Variants in KCNN2 observed in about 807,000 individuals in gnomAD.
The protein encoded by KCNN2 is potassium calcium-activated channel subfamily N member 2, also known as small conductance calcium-activated potassium channel protein 2.
Under a neutral mutation model 55.5 loss-of-function variants are expected in KCNN2, and 24 were observed. That is an observed-to-expected ratio of 0.43 (90% confidence interval 0.31 to 0.61). The LOEUF is 0.61. Ranked by LOEUF, KCNN2 falls within the 20% of genes least tolerant of loss-of-function variation. The pLI is 0.08. For missense variants in KCNN2, 754 were observed against 853.6 expected (o/e 0.88, Z 1.45); for synonymous variants, 431 against 336.1 (o/e 1.28, Z -3.09).
intron 2 of KCNN2, among the ~76,000 whole-genome samples, chr5:114,276,527 T>C (rs1755491154): frequency 6.6e-6 from 1 of 152,140 alleles, no homozygotes; most frequent in Admixed American, 6.5e-5. Context: ...ATTGGGTGCA[T>C]ATATATTTAG....
At chr5:114,430,217 G>C (rs929141350) in intron 3 of KCNN2, among the ~76,000 whole-genome samples, 1 of 151,978 alleles carries the variant, frequency 6.6e-6, no homozygotes, top group African/African-American at 2.4e-5. Context: ...CAAGTTAGAA[G>C]AACTGAAATC....
rs70976336 is a variant in KCNN2, at chr5:114,312,386, T to TACAC, written c.-184-48513_-184-48510dup. On this transcript the variant is annotated intron_variant, in intron 2 of 10. Transcript: ENST00000512097. Reference sequence around the variant, plus strand: ...TCATCCTGTGAAATAAAAAAGGAGATACACACACACACACACACACACACA... The same window carrying TACAC: ...TCATCCTGTGAAATAAAAAAGGAGATACACACACACACACACACACACACACACA... Among the ~76,000 whole-genome samples, 468 of 51,596 alleles carry TACAC rather than the reference T, an allele frequency of 9.1e-3. 11 individuals carry two copies. Among genetic ancestry groups the TACAC allele is most frequent in the Middle Eastern group, 0.015 (1 of 68 alleles). The allele number at this position is 51,596 out of a possible 152,430, so 33.8% of individuals were successfully genotyped here.
intron 1 of KCNN2, among the ~76,000 whole-genome samples, chr5:114,162,754 C>T (rs549817102): frequency 1.3e-5 from 2 of 152,246 alleles, no homozygotes; most frequent in East Asian, 1.9e-4. Flanking sequence ...TCTCAGTCTG[C>T]TGTGCTAGCA....
At chr5:114,103,215 C>CA (rs1469463664) in intron 1 of KCNN2, among the ~76,000 whole-genome samples, 2 of 152,066 alleles carry the variant, frequency 1.3e-5, no homozygotes, top group Non-Finnish European at 2.9e-5. Flanking sequence ...AATGGGAGTA[C>CA]ACTCATGATT....
intron 2 of KCNN2, among the ~76,000 whole-genome samples, chr5:114,251,681 C>T (rs1464981108): frequency 1.3e-5 from 2 of 152,110 alleles, no homozygotes; most frequent in Non-Finnish European, 2.9e-5. Flanking sequence ...TCCACCTGAA[C>T]TGTTATATTT....
intron 2 of KCNN2, among the ~76,000 whole-genome samples, chr5:114,338,954 T>A (rs1756970993): frequency 6.6e-6 from 1 of 152,182 alleles, no homozygotes; most frequent in Non-Finnish European, 1.5e-5. Context: ...AATGTGAATT[T>A]CAGGAATCAA....
intron 3 of KCNN2, among the ~76,000 whole-genome samples, chr5:114,442,728 C>T (rs1273501226): frequency 1.3e-5 from 2 of 152,172 alleles, no homozygotes; most frequent in African/African-American, 2.4e-5. Context: ...GCACCAGTAA[C>T]AGCAGTGCAG....
intron 2 of KCNN2, among the ~76,000 whole-genome samples, chr5:114,300,780 G>A (rs1337443088): frequency 3.3e-5 from 5 of 152,082 alleles, no homozygotes; most frequent in Non-Finnish European, 7.4e-5. Flanking sequence ...CCTTAAGAGG[G>A]TACTTCATGT....
At position 114,060,149 on chromosome 5, in the gene KCNN2, G is replaced by C. The variant is rs534945394; in HGVS notation, c.-271+3649G>C. Among the ~76,000 whole-genome samples, 3 of 152,344 alleles carry C rather than the reference G, an allele frequency of 2.0e-5. No individual in the cohort carries two copies. In the South Asian group the frequency reaches 6.2e-4, roughly 32 times the overall value. ...ATATCACATCCCATCATGCTGCTATGAGTATGCAGCACTTAGCCTGCATGT... is the reference window on the plus strand; with the variant it reads ...ATATCACATCCCATCATGCTGCTATCAGTATGCAGCACTTAGCCTGCATGT... On this transcript the variant is annotated intron_variant, in intron 1 of 10. Transcript: ENST00000512097.
At position 114,262,505 on chromosome 5, in the gene KCNN2, C is replaced by G. The variant is rs142943268; in HGVS notation, c.-185+40940C>G. Among the ~76,000 whole-genome samples the G allele has an allele frequency of 2.0e-5, 3 of 152,082 alleles. No individual in the cohort carries two copies. In the East Asian group the frequency reaches 5.8e-4, roughly 29 times the overall value. On this transcript the variant is annotated intron_variant, in intron 2 of 10. Coordinates refer to the KCNN2 transcript ENST00000512097. The stretch of plus-strand genomic sequence containing the variant: ...GAATGTGGGTTCCTGGGCCAGATTG[C>G]CTGGGAGTGAATCCTGGCTCTGGTT...
At chr5:114,241,955 T>G (rs558490576) in intron 2 of KCNN2, among the ~76,000 whole-genome samples, 1 of 150,336 alleles carries the variant, frequency 6.7e-6, no homozygotes, top group Non-Finnish European at 1.5e-5. Flanking sequence ...CCATGAAGTA[T>G]GGAGATTTTA....
At chr5:114,457,675 C>G (rs151228008) in intron 3 of KCNN2, among the ~76,000 whole-genome samples, 2 of 152,310 alleles carry the variant, frequency 1.3e-5, no homozygotes, top group East Asian at 3.9e-4. Context: ...CTGCATGTGT[C>G]TCTGTACAGG....
chr5:114,441,355 G>T (rs1269820716), intron 3 of KCNN2, among the ~76,000 whole-genome samples: 3 of 152,138 alleles, frequency 2.0e-5, no homozygotes, highest in African/African-American at 7.2e-5. Context: ...AAACCCTGTA[G>T]CCAATAACTA....
At chr5:114,173,038 A>G (rs1161609980) in intron 1 of KCNN2, among the ~76,000 whole-genome samples, 1 of 151,640 alleles carries the variant, frequency 6.6e-6, no homozygotes. Context: ...TTTCCTCAAT[A>G]TTTTCTTTCA....
chr5:114,334,498 C>G (rs770969215), intron 2 of KCNN2, among the ~76,000 whole-genome samples: 1 of 151,950 alleles, frequency 6.6e-6, no homozygotes, highest in Non-Finnish European at 1.5e-5. Flanking sequence ...TATATACGCA[C>G]ATACATACAC....
intron 2 of KCNN2, among the ~76,000 whole-genome samples, chr5:114,237,257 C>CACAA (rs1491467319): frequency 1.5e-4 from 2 of 13,786 alleles, no homozygotes; most frequent in Non-Finnish European, 3.2e-4. Flanking sequence ...TGTCAAAATT[C>CACAA]ACACACACAC....
intron 2 of KCNN2, among the ~76,000 whole-genome samples, chr5:114,366,978 A>G (rs1260904644): frequency 2.0e-5 from 3 of 152,344 alleles, no homozygotes; most frequent in Admixed American, 1.3e-4. Flanking sequence ...TTTCTGGTGC[A>G]TGATATGATT....
At chr5:114,306,220 C>A (rs960761152) in intron 2 of KCNN2, among the ~76,000 whole-genome samples, 1 of 152,152 alleles carries the variant, frequency 6.6e-6, no homozygotes, top group South Asian at 2.1e-4. Flanking sequence ...TAGCATTCAC[C>A]AGATCTGCCT....
intron 2 of KCNN2, among the ~76,000 whole-genome samples, chr5:114,243,484 C>T (rs960163719): frequency 0.041 from 7 of 170 alleles, no homozygotes; most frequent in African/African-American, 0.12. Flanking sequence ...CCCCTTTGTC[C>T]AGCGTATCCA....
Sources: allele counts gnomAD v4.1 joint callset (sites outside exome capture counted in the v4.1 genomes callset), GRCh38; gene constraint gnomAD v4.1.1; transcripts MANE v1.5; gene names NCBI Gene and HGNC (gene_info 2026-07-23, HGNC 2026-07-21).